CSRNP3: variants seen among roughly 807,000 people sequenced by gnomAD.
The protein encoded by CSRNP3 is cysteine and serine rich nuclear protein 3.
In CSRNP3, 12 loss-of-function variants were observed where a neutral mutation model predicts 48.0. The ratio of observed to expected loss-of-function variants is 0.25; its 90% CI spans 0.16 to 0.41. CSRNP3 has a LOEUF of 0.41. CSRNP3 is among the 10% of genes least tolerant of loss of function. The pLI is 1.00. For missense variants in CSRNP3, 580 were observed against 724.4 expected (o/e 0.80, Z 2.29); for synonymous variants, 263 against 269.7 (o/e 0.98, Z 0.24).
chr2:165,627,471 G>A (rs987157139), intron 4 of CSRNP3, among the ~76,000 whole-genome samples: 24 of 151,964 alleles, frequency 1.6e-4, no homozygotes, highest in Admixed American at 1.4e-3. Flanking sequence ...CTTGAAGTAG[G>A]CATAGCTTAC....
At chr2:165,576,325 C>T (rs1373323450) in intron 3 of CSRNP3, among the ~76,000 whole-genome samples, 1 of 151,796 alleles carries the variant, frequency 6.6e-6, no homozygotes, top group African/African-American at 2.4e-5. Flanking sequence ...TCAGTAGCGC[C>T]TGTAGTTTGT....
chr2:165,684,444 T>C lies in CSRNP3; in HGVS notation c.*4691T>C, dbSNP rs1687596928. 6.6e-6 allele frequency: 1 copy of C among 152,106 alleles called. No homozygotes were observed. The highest frequency in any genetic ancestry group is 6.6e-5 in the Admixed American group (1 of 15,240). 9.4% of individuals were successfully genotyped at this position (152,106 alleles called of 1,614,324 possible). A position where few individuals can be genotyped will look rare whatever the true frequency, so the allele number is the denominator to read the frequency against. ...GTGCCATTATAGCCAGTGTATTAAA[T>C]ACCAGGCTTTAATGGGAAGCACCTT... On this transcript the variant is annotated 3_prime_UTR_variant, in exon 7 of 7. Coordinates refer to ENST00000651982, the MANE Select transcript of CSRNP3 (RefSeq NM_001172173.2).
In CSRNP3 at chr2:165,680,695, A is replaced by T. The variant is rs1245809204; in HGVS notation, c.*942A>T. 6.6e-6 allele frequency: 1 copy of T among 152,280 alleles called. No individual in the cohort carries two copies. The highest frequency in any genetic ancestry group is 2.4e-5 in the African/African-American group (1 of 41,360). The allele number at this position is 152,280 out of a possible 1,614,324, so 9.4% of individuals were successfully genotyped here. The stretch of plus-strand genomic sequence containing the variant: ...GAACTCTTTGAGATGAAAAAATTTA[A>T]AAAAAAATTAAAAAGATCTTTAACT... On this transcript the variant is annotated 3_prime_UTR_variant, in exon 7 of 7. Coordinates refer to ENST00000651982, the MANE Select transcript of CSRNP3 (RefSeq NM_001172173.2).
chr2:165,582,690 A>G (rs1423633217), intron 3 of CSRNP3, among the ~76,000 whole-genome samples: 1 of 152,210 alleles, frequency 6.6e-6, no homozygotes, highest in Non-Finnish European at 1.5e-5. Flanking sequence ...GATACCCACC[A>G]AAGCTGGGGA....
intron 3 of CSRNP3, among the ~76,000 whole-genome samples, chr2:165,519,294 A>G (rs905576874): frequency 6.6e-6 from 1 of 151,992 alleles, no homozygotes; most frequent in African/African-American, 2.4e-5. Context: ...ATTCGAGTAC[A>G]TTGGATTTCC....
At chr2:165,560,776 G>A (rs992448891) in intron 3 of CSRNP3, among the ~76,000 whole-genome samples, 5 of 152,150 alleles carry the variant, frequency 3.3e-5, no homozygotes, top group East Asian at 1.9e-4. Flanking sequence ...TTAACTGCTC[G>A]ATCAGATGTG....
At chr2:165,573,043 G>T (rs559659621) in intron 3 of CSRNP3, among the ~76,000 whole-genome samples, 10 of 152,028 alleles carry the variant, frequency 6.6e-5, no homozygotes, top group Non-Finnish European at 1.3e-4. Flanking sequence ...CAAAAGGAAG[G>T]TTTGGAATAT....
At chr2:165,500,307 T>G (rs1287765122) in intron 2 of CSRNP3, among the ~76,000 whole-genome samples, 2 of 150,908 alleles carry the variant, frequency 1.3e-5, no homozygotes, top group Non-Finnish European at 1.5e-5. Context: ...CATATTTTAC[T>G]TACAATTCAT....
intron 3 of CSRNP3, among the ~76,000 whole-genome samples, chr2:165,562,686 G>A (rs73029836): frequency 0.016 from 2,417 of 152,212 alleles, 71 homozygotes; most frequent in African/African-American, 0.055. Flanking sequence ...TTTCAATAGT[G>A]TTGAGCATTT....
intron 4 of CSRNP3, among the ~76,000 whole-genome samples, chr2:165,640,190 GTACTTAC>G (rs1462709130): frequency 2.6e-5 from 4 of 152,160 alleles, no homozygotes; most frequent in African/African-American, 9.6e-5. Context: ...CACTTATACA[GTACTTAC>G]TACGTGCCAA....
chr2:165,587,016 T>C (rs1685643849), intron 3 of CSRNP3, among the ~76,000 whole-genome samples: 1 of 152,236 alleles, frequency 6.6e-6, no homozygotes, highest in Non-Finnish European at 1.5e-5. Context: ...ATTGTACTTA[T>C]AATCACAGAA....
rs1186113993 is a variant in CSRNP3, at chr2:165,681,757, A to G, written c.*2004A>G. The G allele has an allele frequency of 3.8e-5, 2 of 52,054 alleles. No individual in the cohort carries two copies. The highest frequency in any genetic ancestry group is 9.6e-4 in the South Asian group (2 of 2,092). The allele number at this position is 52,054 out of a possible 1,614,324, so 3.2% of individuals were successfully genotyped here. On this transcript the variant is annotated 3_prime_UTR_variant, in exon 7 of 7. Transcript: ENST00000651982. ...TATATATATATATATATATATATAT[A>G]TATACACACACACACACACATACAC...
At chr2:165,531,555 T>C (rs1454504179) in intron 3 of CSRNP3, among the ~76,000 whole-genome samples, 1 of 152,194 alleles carries the variant, frequency 6.6e-6, no homozygotes, top group Non-Finnish European at 1.5e-5. Flanking sequence ...GGTTTCCAGT[T>C]TCATCTATGT....
At chr2:165,652,511 T>A (rs78050134) in intron 4 of CSRNP3, among the ~76,000 whole-genome samples, 2 of 138,670 alleles carry the variant, frequency 1.4e-5, no homozygotes, top group East Asian at 2.3e-4. Flanking sequence ...AAAAAAAAAA[T>A]GGTATCAAGT....
intron 3 of CSRNP3, among the ~76,000 whole-genome samples, chr2:165,554,561 G>T (rs1364455039): frequency 6.6e-6 from 1 of 152,134 alleles, no homozygotes; most frequent in African/African-American, 2.4e-5. Flanking sequence ...GACAGGTGAG[G>T]ATCCTTGGAC....
chr2:165,663,185 G>A (rs1054671118), intron 5 of CSRNP3, among the ~76,000 whole-genome samples: 1 of 152,156 alleles, frequency 6.6e-6, no homozygotes, highest in East Asian at 1.9e-4. Context: ...AGAGATTAGA[G>A]GCTTTTGAGA....
chr2:165,490,314 G>T (rs1684185617), intron 1 of CSRNP3, among the ~76,000 whole-genome samples: 2 of 149,054 alleles, frequency 1.3e-5, no homozygotes, highest in South Asian at 4.2e-4. Flanking sequence ...CAAACAAATG[G>T]AAGAAAATTC....
At position 165,679,030 on chromosome 2, in the gene CSRNP3, AGAG is replaced by A; in HGVS notation, c.1041_1043del (p.Glu347del). 6.2e-7 allele frequency: 1 copy of A among 1,613,962 alleles called. No homozygotes were observed. Among genetic ancestry groups the A allele is most frequent in the Non-Finnish European group, 8.5e-7 (1 of 1,179,984 alleles). On this transcript the variant is annotated inframe_deletion, in exon 7 of 7. Coordinates refer to ENST00000651982, the MANE Select transcript of CSRNP3 (RefSeq NM_001172173.2). ...ATTGCCAAGGAGAGGAGGAGGAAGA[AGAG>A]GAGGATGGGAGCAGCTTTTGCAGCG...
intron 3 of CSRNP3, among the ~76,000 whole-genome samples, chr2:165,540,637 A>T (rs1205969790): frequency 7.0e-6 from 1 of 142,454 alleles, no homozygotes; most frequent in Non-Finnish European, 1.5e-5. Flanking sequence ...CACCACATTG[A>T]TCTTTCCCAT....
Sources: allele counts gnomAD v4.1 joint callset (sites outside exome capture counted in the v4.1 genomes callset), GRCh38; gene constraint gnomAD v4.1.1; transcripts MANE v1.5; gene names NCBI Gene and HGNC (gene_info 2026-07-23, HGNC 2026-07-21).